Variants in PTBP2 observed in about 807,000 individuals in gnomAD.
The protein encoded by PTBP2 is polypyrimidine tract-binding protein 2.
In PTBP2, 13 loss-of-function variants were observed where a neutral mutation model predicts 61.4. The ratio of observed to expected loss-of-function variants is 0.21; its 90% CI spans 0.14 to 0.34. The LOEUF is 0.34. PTBP2 is among the 10% of genes least tolerant of loss of function. The pLI is 1.00. For missense variants in PTBP2, 405 were observed against 642.6 expected (o/e 0.63, Z 4.00); for synonymous variants, 215 against 218.5 (o/e 0.98, Z 0.14).
intron 7 of PTBP2, among the ~76,000 whole-genome samples, chr1:96,784,456 CG>C (rs1425432524): frequency 6.6e-6 from 1 of 152,056 alleles, no homozygotes; most frequent in Non-Finnish European, 1.5e-5. Flanking sequence ...CAGAACTTTT[CG>C]GGAATGACAT....
chr1:96,803,413 T>A (rs879837662), intron 8 of PTBP2, among the ~76,000 whole-genome samples: 3 of 146,848 alleles, frequency 2.0e-5, no homozygotes, highest in Non-Finnish European at 3.0e-5. Context: ...GGGAGCAAAG[T>A]AAGAAAAAAA....
chr1:96,813,106 A>G lies in PTBP2; in HGVS notation c.1466A>G (p.Gln489Arg), dbSNP rs1229619132. Residue 489 changes from glutamine (Q) to arginine (R), a missense_variant and splice_region_variant, in exon 13 of 14, where the codon CAA (glutamine) becomes CGA (arginine). Around this residue, in one of 4 missense-constraint regions of PTBP2, gnomAD observed 21 missense variants for 54.1 expected, o/e 0.39. Coordinates refer to ENST00000674951, the MANE Select transcript of PTBP2 (RefSeq NM_021190.4). ...ACTGTGAAAGCATTTAAGTTTTTTC[A>G]GTAAGCAAGCTTCCTTATCTTTAAA... ...GGTVKAFKFF[Q>R]DHKMALLQMA... The G allele has an allele frequency of 1.2e-6, 2 of 1,607,738 alleles. No individual in the cohort carries two copies.
chr1:96,728,126 A>G (rs949649226), intron 2 of PTBP2, among the ~76,000 whole-genome samples: 8 of 152,142 alleles, frequency 5.3e-5, no homozygotes, highest in African/African-American at 1.7e-4. Context: ...AGCTAGGACT[A>G]TAGGCACACA....
intron 5 of PTBP2, among the ~76,000 whole-genome samples, chr1:96,775,934 T>G: frequency 6.6e-6 from 1 of 152,074 alleles, no homozygotes; most frequent in East Asian, 1.9e-4. Flanking sequence ...ATGAATAGTA[T>G]TGAAAAAAAT....
intron 3 of PTBP2, among the ~76,000 whole-genome samples, chr1:96,755,056 G>A (rs1655005141): frequency 6.6e-6 from 1 of 152,174 alleles, no homozygotes. Flanking sequence ...GAAAAGACAA[G>A]CCATAAACTG....
intron 2 of PTBP2, among the ~76,000 whole-genome samples, chr1:96,745,173 C>CT (rs35356252): frequency 0.047 from 6,869 of 146,928 alleles, 455 homozygotes; most frequent in African/African-American, 0.15. Context: ...AGCAATATTG[C>CT]TTTTTTTTTT....
chr1:96,742,906 A>C, intron 2 of PTBP2, among the ~76,000 whole-genome samples: 1 of 152,146 alleles, frequency 6.6e-6, no homozygotes, highest in East Asian at 1.9e-4. Flanking sequence ...TCTAATCTCC[A>C]GTATTCAGAA....
intron 2 of PTBP2, among the ~76,000 whole-genome samples, chr1:96,750,014 A>G (rs1272996611): frequency 1.3e-5 from 2 of 152,058 alleles, no homozygotes; most frequent in African/African-American, 2.4e-5. Context: ...TGAGCCAATA[A>G]TGTGTATCAG....
chr1:96,799,656 G>A (rs894069386), intron 8 of PTBP2, among the ~76,000 whole-genome samples: 13 of 152,226 alleles, frequency 8.5e-5, no homozygotes, highest in Non-Finnish European at 1.8e-4. Context: ...GTAGCTAAAA[G>A]TAATCTGTTA....
At chr1:96,738,724 T>C (rs746490185) in intron 2 of PTBP2, among the ~76,000 whole-genome samples, 19 of 152,200 alleles carry the variant, frequency 1.2e-4, no homozygotes, top group Non-Finnish European at 2.1e-4. Flanking sequence ...TTCTCTCTTA[T>C]GTACAATTCA....
At chr1:96,787,107 G>T (rs1005136613) in intron 8 of PTBP2, among the ~76,000 whole-genome samples, 1 of 152,034 alleles carries the variant, frequency 6.6e-6, no homozygotes, top group Non-Finnish European at 1.5e-5. Context: ...TGCAACTTCC[G>T]CCTCCCGGGT....
At position 96,751,458 on chromosome 1, in the gene PTBP2, C is replaced by T. The variant is rs592595; in HGVS notation, c.73C>T (p.Leu25Phe). ...TGACGAACTACTCTCAGGCAGTGTT[C>T]TCAGTAGTCCGAACTCTAATATGAG... ...GSDELLSGSV[L>F]SSPNSNMSSM... is the part of the protein sequence containing the mutation. The change falls in exon 3 of 14, where the codon CTC becomes TTC. Residue 25 changes from leucine (L) to phenylalanine (F), a missense_variant. By Grantham distance (22) the Leu-to-Phe change is conservative. Coordinates refer to ENST00000674951, the MANE Select transcript of PTBP2 (RefSeq NM_021190.4). 1 of 1,612,886 alleles carries T rather than the reference C, an allele frequency of 6.2e-7. No individual in the cohort carries two copies. The highest frequency in any genetic ancestry group is 8.5e-7 in the Non-Finnish European group (1 of 1,179,196).
At chr1:96,758,372 T>C (rs1050837207) in intron 3 of PTBP2, among the ~76,000 whole-genome samples, 4 of 152,040 alleles carry the variant, frequency 2.6e-5, no homozygotes, top group African/African-American at 9.7e-5. Context: ...TCTTTGAAAA[T>C]GGAGGAGGGA....
At chr1:96,747,016 A>C (rs1010985846) in intron 2 of PTBP2, among the ~76,000 whole-genome samples, 2 of 150,610 alleles carry the variant, frequency 1.3e-5, no homozygotes, top group Non-Finnish European at 3.0e-5. Flanking sequence ...TGAGGTTTGC[A>C]ATACAAGTGA....
chr1:96,782,537 T>A (rs1658793337), intron 7 of PTBP2, among the ~76,000 whole-genome samples: 2 of 152,148 alleles, frequency 1.3e-5, no homozygotes, highest in African/African-American at 4.8e-5. Flanking sequence ...GGTTTTAGGA[T>A]GCTTTAGGAA....
chr1:96,752,879 G>A (rs1654732478), intron 3 of PTBP2, among the ~76,000 whole-genome samples: 2 of 152,042 alleles, frequency 1.3e-5, no homozygotes, highest in Admixed American at 1.3e-4. Flanking sequence ...CTTGAGAGAA[G>A]GGGTACACGT....
chr1:96,754,069 T>C (rs1654883253), intron 3 of PTBP2, among the ~76,000 whole-genome samples: 2 of 152,104 alleles, frequency 1.3e-5, no homozygotes, highest in Non-Finnish European at 2.9e-5. Context: ...AAACTCCTCA[T>C]GTAGGCTAAA....
chr1:96,740,730 A>G (rs1652886631), intron 2 of PTBP2, among the ~76,000 whole-genome samples: 1 of 152,032 alleles, frequency 6.6e-6, no homozygotes, highest in Non-Finnish European at 1.5e-5. Flanking sequence ...ATGTACTATC[A>G]TGCTGTATGT....
At chr1:96,765,042 T>C (rs1488333166) in intron 3 of PTBP2, among the ~76,000 whole-genome samples, 1 of 152,234 alleles carries the variant, frequency 6.6e-6, no homozygotes, top group African/African-American at 2.4e-5. Context: ...ACCTGCTTTT[T>C]TTCTCTTTAA....
Sources: allele counts gnomAD v4.1 joint callset (sites outside exome capture counted in the v4.1 genomes callset), GRCh38; gene constraint gnomAD v4.1.1; regional missense constraint gnomAD v4.1.1; transcripts MANE v1.5; gene names NCBI Gene and HGNC (gene_info 2026-07-23, HGNC 2026-07-21).